Variants in RRAGD observed in about 807,000 individuals in gnomAD.
RRAGD encodes ras-related GTP-binding protein D.
In RRAGD, 12 loss-of-function variants were observed where a neutral mutation model predicts 35.5. The observed-to-expected ratio is 0.34, with a 90% CI of 0.22 to 0.55. RRAGD has a LOEUF of 0.55. Ranked by LOEUF, RRAGD falls within the 20% of genes least tolerant of loss-of-function variation. The pLI, the probability that RRAGD is intolerant of heterozygous loss-of-function variation, is 0.91. For missense variants in RRAGD, 324 were observed against 490.1 expected, an observed-to-expected ratio of 0.66 and a Z score of 3.20; for synonymous variants, 155 against 178.9, an observed-to-expected ratio of 0.87 and a Z score of 1.07.
rs1448429623 is a variant in RRAGD, at chr6:89,411,448, G to A, written c.148+398C>T. Reference sequence around the variant, plus strand: ...TTTTTTAGCCACGACATCTGACCCTGGCTTCAACAGCACCGTTCTGGGAGA... The same window carrying A: ...TTTTTTAGCCACGACATCTGACCCTAGCTTCAACAGCACCGTTCTGGGAGA... On this transcript the variant is annotated intron_variant, in intron 1 of 6. Coordinates refer to ENST00000369415, the MANE Select transcript of RRAGD (RefSeq NM_021244.5). This position sits in a 1 kb window ranked among gnomAD's most constrained non-coding sequence, Gnocchi z 5.6. The A allele has an allele frequency of 5.8e-6, 1 of 171,726 alleles. No individual in the cohort carries two copies. Among genetic ancestry groups the A allele is most frequent in the African/African-American group, 2.4e-5 (1 of 42,300 alleles). 10.6% of individuals were successfully genotyped at this position (171,726 alleles called of 1,614,324 possible).
At chr6:89,370,819 GA>G (rs569904876) in intron 6 of RRAGD, among the ~76,000 whole-genome samples, 195 of 152,194 alleles carry the variant, frequency 1.3e-3, no homozygotes, top group African/African-American at 4.5e-3. Flanking sequence ...AGTCCTTTTA[GA>G]AAATGCATAT....
In RRAGD at chr6:89,367,146, T is replaced by A. The variant is rs1768766834; in HGVS notation, c.*910A>T. ...CCAGAATTGTATCTATGTTTTTTAG[T>A]CTGCAGTTGCCAATCACATACTTTT... On this transcript the variant is annotated 3_prime_UTR_variant, in exon 7 of 7. Transcript: ENST00000369415. 1 of 152,232 alleles carries A rather than the reference T, an allele frequency of 6.6e-6. No homozygotes were observed. Among genetic ancestry groups the A allele is most frequent in the Non-Finnish European group, 1.5e-5 (1 of 68,056 alleles). 9.4% of individuals were successfully genotyped at this position (152,232 alleles called of 1,614,324 possible).
chr6:89,402,798 C>A (rs1318048415), intron 1 of RRAGD, among the ~76,000 whole-genome samples: 1 of 152,170 alleles, frequency 6.6e-6, no homozygotes, highest in African/African-American at 2.4e-5. Context: ...GTCCTTTTCC[C>A]CCTGACCTCG....
chr6:89,381,175 G>A (rs1414861791), intron 2 of RRAGD, among the ~76,000 whole-genome samples: 1 of 152,168 alleles, frequency 6.6e-6, no homozygotes, highest in African/African-American at 2.4e-5. Context: ...AAAGTAAGTT[G>A]TATTGGAACA....
At chr6:89,382,543 C>T (rs1398802901) in intron 2 of RRAGD, among the ~76,000 whole-genome samples, 1 of 151,644 alleles carries the variant, frequency 6.6e-6, no homozygotes. Context: ...CCACTGCACT[C>T]CAACCTAGGT....
At chr6:89,381,491 C>A (rs1377465277) in intron 2 of RRAGD, among the ~76,000 whole-genome samples, 1 of 152,112 alleles carries the variant, frequency 6.6e-6, no homozygotes, top group Non-Finnish European at 1.5e-5. Context: ...ATCCCTCTAC[C>A]CCCTCATCCT....
intron 5 of RRAGD, among the ~76,000 whole-genome samples, chr6:89,373,702 T>C (rs1768890210): frequency 7.1e-6 from 1 of 141,726 alleles, no homozygotes; most frequent in African/African-American, 3.2e-5. Flanking sequence ...TTGAATCTCA[T>C]TTCTTTTATT....
Position 89,380,314 on chromosome 6 carries a change from G to C in RRAGD, c.498C>G (p.Tyr166Ter). ...CGAAGTTGATGTCAGTATTCACTTTGTAGGCCCTGGTCACCGTGAGGTGGA... is the reference window on the plus strand; with the variant it reads ...CGAAGTTGATGTCAGTATTCACTTTCTAGGCCCTGGTCACCGTGAGGTGGA... Reference protein sequence around the residue: ...ARLHLTVTRAYKVNTDINFEV... With the variant: ...ARLHLTVTRA Residue 166 changes from tyrosine to a stop codon, truncating the protein, a stop_gained, in exon 3 of 7, where the codon TAC becomes TAG. Transcript: ENST00000369415. LOFTEE classifies it high-confidence loss of function. 1 of 1,614,190 alleles carries C rather than the reference G, an allele frequency of 6.2e-7. No homozygotes were observed. Among genetic ancestry groups the C allele is most frequent in the Non-Finnish European group, 8.5e-7 (1 of 1,180,032 alleles).
intron 6 of RRAGD, among the ~76,000 whole-genome samples, chr6:89,370,942 A>G (rs1022856571): frequency 2.0e-5 from 3 of 150,770 alleles, no homozygotes; most frequent in African/African-American, 7.3e-5. Context: ...TTTCTAAAAG[A>G]ATCTATTACT....
At chr6:89,384,944 C>T (rs1397705767) in intron 2 of RRAGD, among the ~76,000 whole-genome samples, 1 of 151,998 alleles carries the variant, frequency 6.6e-6, no homozygotes, top group East Asian at 1.9e-4. Flanking sequence ...GTCCCAGCTA[C>T]CTGGGAGGTT....
In RRAGD at chr6:89,367,840, A is replaced by G. The variant is rs1202253842; in HGVS notation, c.*216T>C. On this transcript the variant is annotated 3_prime_UTR_variant, in exon 7 of 7. Coordinates refer to ENST00000369415, the MANE Select transcript of RRAGD (RefSeq NM_021244.5). ...TTTACATTTGTGTAATGAAATGACA[A>G]TGGATTTCACATCACTGTTAATATA... is the stretch of plus-strand genomic sequence containing the variant. The G allele has an allele frequency of 1.5e-5, 6 of 396,206 alleles. No individual in the cohort carries two copies. The highest frequency in any genetic ancestry group is 3.7e-5 in the East Asian group (1 of 27,280). 24.5% of individuals were successfully genotyped at this position (396,206 alleles called of 1,614,324 possible).
rs59457895 is a variant in RRAGD, at chr6:89,387,707, A to G, written c.149-117T>C. 5,312 of 1,020,028 alleles carry G rather than the reference A, an allele frequency of 5.2e-3. 180 individuals are homozygous for G. In the African/African-American group the frequency reaches 0.073, roughly 14 times the overall value. 63.2% of individuals were successfully genotyped at this position (1,020,028 alleles called of 1,614,324 possible). On this transcript the variant is annotated intron_variant, in intron 1 of 6. Transcript: ENST00000369415. Reference sequence around the variant, plus strand: ...TTCACAGATGATGCCACTCTTCCAAAGAGTGCTAACTACAGTCCCTCCACT... The same window carrying G: ...TTCACAGATGATGCCACTCTTCCAAGGAGTGCTAACTACAGTCCCTCCACT...
intron 2 of RRAGD, among the ~76,000 whole-genome samples, chr6:89,383,658 A>G (rs1196886406): frequency 2.6e-5 from 4 of 152,136 alleles, no homozygotes; most frequent in Admixed American, 2.6e-4. Flanking sequence ...CTGGGGTGTC[A>G]CCACAGATCA....
chr6:89,395,396 A>C (rs1390893690), intron 1 of RRAGD, among the ~76,000 whole-genome samples: 1 of 152,250 alleles, frequency 6.6e-6, no homozygotes, highest in Non-Finnish European at 1.5e-5. Context: ...AAAACAAAGA[A>C]AGAAGGGAAA....
In RRAGD at chr6:89,366,214, A is replaced by T. The variant is rs1768740396; in HGVS notation, c.*1842T>A. On this transcript the variant is annotated 3_prime_UTR_variant, in exon 7 of 7. Transcript: ENST00000369415. ...TGGGGAGAGGAAGGAGAGAGGTTGG[A>T]AAGAAGCCACAGAGAGAAGTGGGAA... 1 of 152,398 alleles carries T rather than the reference A, an allele frequency of 6.6e-6. No homozygotes were observed. Among genetic ancestry groups the T allele is most frequent in the African/African-American group, 2.4e-5 (1 of 41,442 alleles). The allele number at this position is 152,398 out of a possible 1,614,324, so 9.4% of individuals were successfully genotyped here.
chr6:89,376,270 T>A (rs1298691002), intron 5 of RRAGD, among the ~76,000 whole-genome samples: 1 of 151,606 alleles, frequency 6.6e-6, no homozygotes, highest in African/African-American at 2.4e-5. Context: ...CTCAATACAA[T>A]CTTGTAAGTA....
At chr6:89,377,215 CAG>C (rs2127886518) in intron 5 of RRAGD, among the ~76,000 whole-genome samples, 1 of 152,234 alleles carries the variant, frequency 6.6e-6, no homozygotes, top group East Asian at 1.9e-4. Flanking sequence ...TTAAGTTTGT[CAG>C]GGGGGAAATA....
rs371518383 is a variant in RRAGD, at chr6:89,387,532, G to A, written c.207C>T (p.Gly69=). ...TEVKPRILLM[G]LRRSGKSSIQ... Reference sequence around the variant, plus strand: ...TAGACGACTTGCCGCTTCTCCTCAGGCCCATGAGCAGGATTCTCGGCTTCA... The same window carrying A: ...TAGACGACTTGCCGCTTCTCCTCAGACCCATGAGCAGGATTCTCGGCTTCA... The change falls in exon 2 of 7, where the codon GGC becomes GGT. Residue 69 remains glycine (G), a synonymous_variant. Transcript: ENST00000369415. 2 of 1,614,132 alleles carry A rather than the reference G, an allele frequency of 1.2e-6. No individual in the cohort carries two copies. The highest frequency in any genetic ancestry group is 2.2e-5 in the East Asian group (1 of 44,884).
chr6:89,375,206 G>A lies in RRAGD; in HGVS notation c.902+2465C>T, dbSNP rs186693200. On this transcript the variant is annotated intron_variant, in intron 5 of 6. Coordinates refer to ENST00000369415, the MANE Select transcript of RRAGD (RefSeq NM_021244.5). Reference sequence around the variant, plus strand: ...AAATGTAAACACTGACTGTCTCTAGGTGGTGAGATTATGGGCTACTTTAAT... The same window carrying A: ...AAATGTAAACACTGACTGTCTCTAGATGGTGAGATTATGGGCTACTTTAAT... Among the ~76,000 whole-genome samples the A allele has an allele frequency of 7.2e-5, 11 of 152,236 alleles. No homozygotes were observed. In the East Asian group the frequency reaches 2.1e-3, roughly 29 times the overall value.
Sources: gnomAD v4.1 joint callset for allele counts (sites outside exome capture counted in the v4.1 genomes callset) on GRCh38, gnomAD v4.1.1 for gene constraint, Gnocchi (gnomAD v3.1) non-coding constraint, MANE v1.5 for transcripts, NCBI Gene and HGNC (gene_info 2026-07-23, HGNC 2026-07-21) for gene names.